DEPDC5: variants seen among roughly 807,000 people sequenced by gnomAD.
DEPDC5 encodes GATOR1 complex protein DEPDC5.
In DEPDC5, 73 loss-of-function variants were observed where a neutral mutation model predicts 217.3. The observed-to-expected ratio is 0.34, with a 90% CI of 0.28 to 0.41. DEPDC5 has a LOEUF of 0.41. Ranked by LOEUF, DEPDC5 falls within the 10% of genes least tolerant of loss-of-function variation. The probability of loss-of-function intolerance (pLI) is 1.00; values close to 1 mark genes in which losing one functional copy is unlikely to be tolerated. For missense variants in DEPDC5, 1,675 were observed against 2,070.1 expected (o/e 0.81, Z 3.70); for synonymous variants, 733 against 756.7 (o/e 0.97, Z 0.51).
At chr22:31,880,411 C>T (rs1310134031) in intron 38 of DEPDC5, among the ~76,000 whole-genome samples, 2 of 152,178 alleles carry the variant, frequency 1.3e-5, no homozygotes, top group African/African-American at 4.8e-5. Context: ...AAAATACCTG[C>T]TCTGGGCAAA....
chr22:31,884,690 C>A (rs959344976), intron 38 of DEPDC5, among the ~76,000 whole-genome samples: 1 of 152,292 alleles, frequency 6.6e-6, no homozygotes, highest in South Asian at 2.1e-4. Flanking sequence ...ACCCCAAGAT[C>A]TGGTCACTGC....
rs753721604 is a variant in DEPDC5, at chr22:31,873,308, T to A, written c.3539T>A (p.Ile1180Asn). 1 of 1,613,960 alleles carries A rather than the reference T, an allele frequency of 6.2e-7. No homozygotes were observed. Among genetic ancestry groups the A allele is most frequent in the Non-Finnish European group, 8.5e-7 (1 of 1,179,918 alleles). The change falls in exon 35 of 43, where the codon ATC becomes AAC. Residue 1180 changes from isoleucine to asparagine, a missense_variant. Physicochemically the swap from Ile to Asn is moderately radical, Grantham distance 149. Around this residue, in one of 11 missense-constraint regions of DEPDC5, gnomAD observed 194 missense variants for 199.3 expected, o/e 0.97. Transcript: ENST00000651528. ...ACCTCATCCTCTACCCTGACAGAGA[T>A]CCTGGAAGCCATGAAGCACCCCTCG... ...SLTSSSTLTE[I>N]LEAMKHPSTG... is the part of the protein sequence containing the mutation.
intron 27 of DEPDC5, 106 bp downstream of exon 27, chr22:31,838,951 G>A (rs1283854904): frequency 8.8e-6 from 11 of 1,243,362 alleles, no homozygotes; most frequent in African/African-American, 3.0e-5. Flanking sequence ...AATCGTTTTC[G>A]ACATAGAAGT....
At chr22:31,758,232 T>G (rs2082097359) in intron 2 of DEPDC5, among the ~76,000 whole-genome samples, 1 of 152,158 alleles carries the variant, frequency 6.6e-6, no homozygotes, top group Non-Finnish European at 1.5e-5. Flanking sequence ...ACACAATATT[T>G]GAGGGGGTAA....
intron 40 of DEPDC5, 46 bp downstream of exon 40, chr22:31,897,699 C>T (rs373365726): frequency 1.4e-4 from 216 of 1,598,512 alleles, no homozygotes; most frequent in Non-Finnish European, 1.7e-4. Flanking sequence ...AGTAAGACCC[C>T]GTCCCTAACA....
rs756889449 is a variant in DEPDC5 at position 31,874,309 on chromosome 22, C to A, written c.3600C>A (p.Leu1200=). 10 of 1,608,738 alleles carry A rather than the reference C, an allele frequency of 6.2e-6. No individual in the cohort carries two copies. Among genetic ancestry groups the A allele is most frequent in the Non-Finnish European group, 7.6e-6 (9 of 1,177,578 alleles). The change falls in exon 36 of 43, where the codon CTC becomes CTA. Residue 1200 remains leucine (L), a synonymous_variant. Transcript: ENST00000651528. The part of the protein sequence containing the change: ...GVQLLSEQKG[L]SPYCFISAEV... ...AGCTGCTCTCTGAACAGAAGGGCCT[C>A]TCACCGTACTGCTTCATCAGCGCGG... is the stretch of plus-strand genomic sequence containing the variant.
chr22:31,857,491 G>T lies in DEPDC5; in HGVS notation c.3202G>T (p.Ala1068Ser), dbSNP rs763158282. The change falls in exon 32 of 43, where the codon GCC (alanine) becomes TCC (serine). Residue 1068 changes from alanine to serine, a missense_variant. By Grantham distance (99) the Ala-to-Ser change is moderately conservative (BLOSUM62 1). This residue lies in a region of DEPDC5 where 126 missense variants were observed against 113.8 expected (regional missense o/e 1.11). Transcript: ENST00000651528. Reference sequence around the variant, plus strand: ...AGCTGTGCATGGTGGGAAGAGCTCCGCCCAGTCAGCCGAGAGCAGCAGCGT... The same window carrying T: ...AGCTGTGCATGGTGGGAAGAGCTCCTCCCAGTCAGCCGAGAGCAGCAGCGT... ...QAAVHGGKSS[A>S]QSAESSSVAM... 3.3e-5 allele frequency: 53 copies of T among 1,611,992 alleles called. No homozygotes were observed. The highest frequency in any genetic ancestry group is 4.5e-5 in the Non-Finnish European group (53 of 1,179,276).
chr22:31,812,192 G>T (rs2088449939), intron 20 of DEPDC5, among the ~76,000 whole-genome samples: 1 of 150,498 alleles, frequency 6.6e-6, no homozygotes, highest in African/African-American at 2.4e-5. Context: ...GTTTCACTGT[G>T]TTGGCCAGGC....
chr22:31,857,310 G>A lies in DEPDC5; in HGVS notation c.3156-135G>A. The stretch of plus-strand genomic sequence containing the variant: ...GAATGAAATTAAGGGTATCATGAAG[G>A]TCTGGAAAGGGAAACAAGGCAGAAG... On this transcript the variant is annotated intron_variant, in intron 31 of 42. Coordinates refer to ENST00000651528, the MANE Select transcript of DEPDC5 (RefSeq NM_001242896.3). The A allele has an allele frequency of 8.9e-6, 6 of 673,362 alleles. No individual in the cohort carries two copies. In the South Asian group the frequency reaches 9.7e-5, roughly 11 times the overall value. The allele number at this position is 673,362 out of a possible 1,614,324, so 41.7% of individuals were successfully genotyped here. A position where few individuals can be genotyped will look rare whatever the true frequency, so the allele number is the denominator to read the frequency against.
intron 11 of DEPDC5, 131 bp from the exon 12 acceptor site, chr22:31,792,605 CAAAAAAAAA>C (rs61603320): frequency 1.6e-4 from 24 of 154,144 alleles, no homozygotes; most frequent in African/African-American, 5.3e-4. Flanking sequence ...GACCTTGTCT[CAAAAAAAAA>C]AAAAAAAAAA....
intron 25 of DEPDC5, among the ~76,000 whole-genome samples, chr22:31,835,454 A>T (rs1294701754): frequency 6.6e-6 from 1 of 152,166 alleles, no homozygotes; most frequent in Non-Finnish European, 1.5e-5. Context: ...TACAATCAGG[A>T]TCCTTTCTCA....
At chr22:31,865,414 A>C (rs987107501) in intron 33 of DEPDC5, among the ~76,000 whole-genome samples, 4 of 152,144 alleles carry the variant, frequency 2.6e-5, no homozygotes, top group African/African-American at 9.7e-5. Flanking sequence ...GGAGTGCTTG[A>C]GTCTGGGAGG....
chr22:31,900,425 G>A (rs2093628404), intron 40 of DEPDC5, among the ~76,000 whole-genome samples: 1 of 152,054 alleles, frequency 6.6e-6, no homozygotes, highest in Non-Finnish European at 1.5e-5. Flanking sequence ...CCTTTCTTGT[G>A]GGAAGATTGG....
At chr22:31,825,533 A>G (rs1394305826) in intron 24 of DEPDC5, among the ~76,000 whole-genome samples, 1 of 152,044 alleles carries the variant, frequency 6.6e-6, no homozygotes, top group African/African-American at 2.4e-5. Flanking sequence ...TCCTTAATGC[A>G]TTGACAGCCA....
At chr22:31,818,904 C>T (rs1324528785) in intron 21 of DEPDC5, 118 bp from the exon 22 acceptor site, 1 of 1,010,570 alleles carries the variant, frequency 9.9e-7, no homozygotes, top group Non-Finnish European at 1.5e-6. Context: ...TTCTCTCACT[C>T]CCTGACATTT....
intron 33 of DEPDC5, among the ~76,000 whole-genome samples, chr22:31,864,530 A>ATATATATATATATATATATATATT (rs1372150061): frequency 2.9e-4 from 40 of 139,008 alleles, no homozygotes; most frequent in Non-Finnish European, 4.8e-4. Flanking sequence ...ATATATTTAT[A>ATATATATATATATATATATATATT]TATTTATTTA....
intron 10 of DEPDC5, among the ~76,000 whole-genome samples, chr22:31,785,583 GT>G (rs2084901937): frequency 8.0e-6 from 1 of 125,162 alleles, no homozygotes; most frequent in Admixed American, 8.0e-5. Flanking sequence ...CAAAATACCA[GT>G]GCCTTTTTTT....
intron 41 of DEPDC5, among the ~76,000 whole-genome samples, chr22:31,902,428 A>ATG (rs2099372747): frequency 7.0e-6 from 1 of 142,210 alleles, no homozygotes; most frequent in Non-Finnish European, 1.5e-5. Context: ...ATATATATAT[A>ATG]TATATATACT....
intron 32 of DEPDC5, chr22:31,857,980 G>A (rs1482744130): frequency 6.5e-6 from 1 of 154,082 alleles, no homozygotes; most frequent in Admixed American, 6.5e-5. Flanking sequence ...CTAGAGCCCA[G>A]GAGGTTGAGG....
Sources: allele counts gnomAD v4.1 joint callset (sites outside exome capture counted in the v4.1 genomes callset), GRCh38; gene constraint gnomAD v4.1.1; regional missense constraint gnomAD v4.1.1; transcripts MANE v1.5; gene names NCBI Gene and HGNC (gene_info 2026-07-23, HGNC 2026-07-21).